The following DNAJC18 variants were observed in gnomAD, a reference collection of about 807,000 sequenced individuals.
DNAJC18 encodes the protein dnaJ homolog subfamily C member 18.
A neutral mutation model predicts 48.6 loss-of-function variants in DNAJC18; 40 were observed. That is an observed-to-expected ratio of 0.82 (90% CI 0.64 to 1.07). The LOEUF (loss-of-function observed/expected upper bound fraction) is 1.07. Ranked by LOEUF, DNAJC18 falls within the 50% of genes least tolerant of loss-of-function variation. The pLI, the probability that DNAJC18 is intolerant of heterozygous loss-of-function variation, is 0.00. For synonymous variants in DNAJC18, 135 were observed against 152.2 expected, an observed-to-expected ratio of 0.89 and a Z score of 0.83; for missense variants, 340 against 427.7, an observed-to-expected ratio of 0.79 and a Z score of 1.81.
Position 139,414,286 on chromosome 5 carries a change from G to T in DNAJC18, c.953-14C>A, listed in dbSNP as rs1041568540. ...TCAGCTCTGACTCTGAAAGATAAAAGAGGTAACCAATTCATCAAGAGCTGA... is the reference window on the plus strand; with the variant it reads ...TCAGCTCTGACTCTGAAAGATAAAATAGGTAACCAATTCATCAAGAGCTGA... On this transcript the variant is annotated splice_polypyrimidine_tract_variant and intron_variant, in intron 7 of 7. Coordinates refer to ENST00000302060, the MANE Select transcript of DNAJC18 (RefSeq NM_152686.4). The T allele has an allele frequency of 5.0e-6, 8 of 1,604,892 alleles. No homozygotes were observed. The highest frequency in any genetic ancestry group is 5.9e-6 in the Non-Finnish European group (7 of 1,176,706).
chr5:139,437,941 C>G (rs1750707364), intron 1 of DNAJC18, among the ~76,000 whole-genome samples: 1 of 152,220 alleles, frequency 6.6e-6, no homozygotes. Context: ...TAGTTTAATG[C>G]AAGCTTGTCC....
At chr5:139,416,467 A>G (rs1486718135) in intron 7 of DNAJC18, among the ~76,000 whole-genome samples, 1 of 152,224 alleles carries the variant, frequency 6.6e-6, no homozygotes, top group East Asian at 1.9e-4. Flanking sequence ...AACTGCCCTC[A>G]TGATCCAGCC....
At chr5:139,430,673 GAT>G (rs1421566808) in intron 2 of DNAJC18, among the ~76,000 whole-genome samples, 2 of 151,172 alleles carry the variant, frequency 1.3e-5, no homozygotes, top group Non-Finnish European at 2.9e-5. Flanking sequence ...GGGTTCAAGT[GAT>G]TCTCCTGCCT....
intron 5 of DNAJC18, among the ~76,000 whole-genome samples, chr5:139,423,855 G>C (rs1207388503): frequency 6.6e-6 from 1 of 152,022 alleles, no homozygotes; most frequent in Non-Finnish European, 1.5e-5. Flanking sequence ...CTGCTGAGCA[G>C]GCTGAAGGAG....
chr5:139,419,483 C>T (rs1022430771), intron 7 of DNAJC18, among the ~76,000 whole-genome samples: 1 of 152,222 alleles, frequency 6.6e-6, no homozygotes, highest in East Asian at 1.9e-4. Flanking sequence ...TAGGGGACAC[C>T]TCATTCCATA....
intron 2 of DNAJC18, among the ~76,000 whole-genome samples, chr5:139,430,441 A>C (rs1759310904): frequency 6.6e-6 from 1 of 152,220 alleles, no homozygotes; most frequent in Non-Finnish European, 1.5e-5. Context: ...CTGTGTACTT[A>C]ACCTCTATAG....
rs1426815009 is a variant in DNAJC18 at position 139,439,366 on chromosome 5, G to A, written c.40+40C>T. 1.2e-6 allele frequency: 2 copies of A among 1,614,086 alleles called. No homozygotes were observed. Among genetic ancestry groups the A allele is most frequent in the Non-Finnish European group, 1.7e-6 (2 of 1,179,996 alleles). On this transcript the variant is annotated intron_variant, in intron 1 of 7. Transcript: ENST00000302060. This position sits in a 1 kb window ranked among gnomAD's most constrained non-coding sequence, Gnocchi z 4.1. ...AGGATCCTCATCCCTGATCTCTCCC[G>A]AAGGCCGCCCTATCCCTCCTTCAGG... is the stretch of plus-strand genomic sequence containing the variant.
At chr5:139,434,748 T>TTGTGTGTGTG (rs34748727) in intron 2 of DNAJC18, among the ~76,000 whole-genome samples, 23 of 150,506 alleles carry the variant, frequency 1.5e-4, no homozygotes, top group African/African-American at 5.6e-4. Context: ...CTAACAGTAT[T>TTGTGTGTGTG]TGTGTGTGTG....
At position 139,425,095 on chromosome 5, in the gene DNAJC18, T is replaced by G. The variant is rs1331310513; in HGVS notation, c.579A>C (p.Ser193=). The change falls in exon 5 of 8, where the codon TCA becomes TCC. Residue 193 remains serine, a synonymous_variant. Transcript: ENST00000302060. ...HFPTGNIHMF[S]NVTDDTYYYR... ...AATAGTAAGTGTCATCTGTCACATTTGAAAACATATGAATATTTCCTGGAA... is the reference window on the plus strand; with the variant it reads ...AATAGTAAGTGTCATCTGTCACATTGGAAAACATATGAATATTTCCTGGAA... 2.5e-6 allele frequency: 4 copies of G among 1,612,164 alleles called. No homozygotes were observed. The highest frequency in any genetic ancestry group is 3.4e-6 in the Non-Finnish European group (4 of 1,178,622).
chr5:139,433,816 A>AGATATATTT (rs1441891519), intron 2 of DNAJC18, among the ~76,000 whole-genome samples: 1 of 152,256 alleles, frequency 6.6e-6, no homozygotes, highest in Non-Finnish European at 1.5e-5. Context: ...ACTAGAATCT[A>AGATATATTT]GATATATTTT....
In DNAJC18 at chr5:139,425,517, G is replaced by A. The variant is rs180802067; in HGVS notation, c.560-403C>T. 3.2e-3 allele frequency among the ~76,000 whole-genome samples: 482 copies of A among 152,278 alleles called. 8 individuals carry two copies. Among genetic ancestry groups the A allele is most frequent in the Non-Finnish European group, 7.5e-4 (51 of 68,026 alleles). On this transcript the variant is annotated intron_variant, in intron 4 of 7. Transcript: ENST00000302060. ...CCCAGCTAGGTTTGTTAAGGATAGAGTATTGGCCTATTTTACCCAGTAGAA... is the reference window on the plus strand; with the variant it reads ...CCCAGCTAGGTTTGTTAAGGATAGAATATTGGCCTATTTTACCCAGTAGAA...
chr5:139,430,964 C>A (rs1759321903), intron 2 of DNAJC18, among the ~76,000 whole-genome samples: 1 of 152,144 alleles, frequency 6.6e-6, no homozygotes, highest in African/African-American at 2.4e-5. Context: ...GGTCTTCAGT[C>A]TTTTGCTACT....
At position 139,412,917 on chromosome 5, in the gene DNAJC18, G is replaced by T. The variant is rs1759014316; in HGVS notation, c.*1231C>A. On this transcript the variant is annotated 3_prime_UTR_variant, in exon 8 of 8. Transcript: ENST00000302060. ...CCTCGGGAAAGGTTCTGCTTTGCCA[G>T]TCTGGCTAGAATCACCTGAGACATG... is the stretch of plus-strand genomic sequence containing the variant. 2.5e-6 allele frequency: 1 copy of T among 398,656 alleles called. No homozygotes were observed. The highest frequency in any genetic ancestry group is 4.4e-6 in the Non-Finnish European group (1 of 226,082). 24.7% of individuals were successfully genotyped at this position (398,656 alleles called of 1,614,324 possible).
At chr5:139,415,222 G>T (rs775128449) in intron 7 of DNAJC18, among the ~76,000 whole-genome samples, 1 of 152,086 alleles carries the variant, frequency 6.6e-6, no homozygotes, top group Non-Finnish European at 1.5e-5. Context: ...GACAGATTTT[G>T]TTTTTCTTGG....
intron 2 of DNAJC18, among the ~76,000 whole-genome samples, chr5:139,435,705 G>GTTTTTTTTTTTTTTTTTTGTTTTTTTT (rs1750628847): frequency 2.4e-5 from 1 of 41,190 alleles, no homozygotes; most frequent in Non-Finnish European, 3.8e-5. Context: ...TTCATTGGAA[G>GTTTTTTTTTTTTTTTTTTGTTTTTTTT]TTTTTTTTTT....
rs1332160720 is a variant in DNAJC18, at chr5:139,414,137, C to G, written c.*11G>C. On this transcript the variant is annotated 3_prime_UTR_variant, in exon 8 of 8. Coordinates refer to ENST00000302060, the MANE Select transcript of DNAJC18 (RefSeq NM_152686.4). ...AGCAAAACCCCAGCCCTGCGTAGGACCATTATCCTCTCAGCCACCTCTGCG... is the reference window on the plus strand; with the variant it reads ...AGCAAAACCCCAGCCCTGCGTAGGAGCATTATCCTCTCAGCCACCTCTGCG... The G allele has an allele frequency of 6.2e-7, 1 of 1,611,836 alleles. No homozygotes were observed. Among genetic ancestry groups the G allele is most frequent in the Admixed American group, 1.7e-5 (1 of 59,356 alleles).
At chr5:139,421,530 G>A (rs1192986108) in intron 6 of DNAJC18, among the ~76,000 whole-genome samples, 1 of 152,106 alleles carries the variant, frequency 6.6e-6, no homozygotes, top group Non-Finnish European at 1.5e-5. Flanking sequence ...TACTAGCCGG[G>A]CGCGATGGCT....
chr5:139,437,613 G>T (rs1750698684), intron 1 of DNAJC18, 55 bp from the exon 2 acceptor site: 8 of 1,554,162 alleles, frequency 5.1e-6, no homozygotes, highest in Non-Finnish European at 6.9e-6. Context: ...AATCAACTTT[G>T]CAACCTGCCT....
At chr5:139,424,279 T>C (rs1234848389) in intron 5 of DNAJC18, among the ~76,000 whole-genome samples, 2 of 152,174 alleles carry the variant, frequency 1.3e-5, no homozygotes, top group Non-Finnish European at 2.9e-5. Context: ...GCACAGCTGC[T>C]TGGGAGCCTG....
Sources: allele counts gnomAD v4.1 joint callset (sites outside exome capture counted in the v4.1 genomes callset), GRCh38; gene constraint gnomAD v4.1.1; non-coding constraint Gnocchi (gnomAD v3.1); transcripts MANE v1.5; gene names NCBI Gene and HGNC (gene_info 2026-07-23, HGNC 2026-07-21).